Variants in CRTC3 observed in about 807,000 individuals in gnomAD.
CRTC3 encodes the protein CREB-regulated transcription coactivator 3.
In CRTC3, 26 loss-of-function variants were observed where a neutral mutation model predicts 74.5. The ratio of observed to expected loss-of-function variants is 0.35; its 90% CI spans 0.26 to 0.48. The LOEUF (loss-of-function observed/expected upper bound fraction) is 0.48, where lower values mean the gene tolerates loss of function less well. CRTC3 is among the 20% of genes least tolerant of loss of function. CRTC3 has a pLI of 0.99. For missense variants in CRTC3, 760 were observed against 787.3 expected (o/e 0.97, Z 0.41); for synonymous variants, 377 against 325.8 (o/e 1.16, Z -1.69).
intron 1 of CRTC3, among the ~76,000 whole-genome samples, chr15:90,533,541 G>A (rs1326658393): frequency 6.6e-6 from 1 of 152,124 alleles, no homozygotes; most frequent in Non-Finnish European, 1.5e-5. Flanking sequence ...GTTGTTAATG[G>A]GGTGTGTGTT....
At chr15:90,580,198 G>C (rs1001154025) in intron 2 of CRTC3, among the ~76,000 whole-genome samples, 3 of 152,056 alleles carry the variant, frequency 2.0e-5, no homozygotes, top group Non-Finnish European at 4.4e-5. Context: ...TATTCTTCTG[G>C]AGACTGAGGA....
At chr15:90,537,890 C>G (rs916109071) in intron 1 of CRTC3, among the ~76,000 whole-genome samples, 2 of 152,176 alleles carry the variant, frequency 1.3e-5, no homozygotes, top group Non-Finnish European at 2.9e-5. Context: ...TAGCCGTGTT[C>G]TTTTTTAACA....
chr15:90,642,432 C>G lies in CRTC3; in HGVS notation c.*292C>G, dbSNP rs1969483371. The G allele has an allele frequency of 1.9e-5, 9 of 482,124 alleles. No homozygotes were observed. Among genetic ancestry groups the G allele is most frequent in the Non-Finnish European group, 3.4e-5 (9 of 263,318 alleles). 29.9% of individuals were successfully genotyped at this position (482,124 alleles called of 1,614,324 possible). ...TCCACTGCATCTTTTTACTGGCCATCCAGTCAGCCGATGTGTAAGAGTAGG... is the reference window on the plus strand; with the variant it reads ...TCCACTGCATCTTTTTACTGGCCATGCAGTCAGCCGATGTGTAAGAGTAGG... On this transcript the variant is annotated 3_prime_UTR_variant, in exon 15 of 15. Coordinates refer to ENST00000268184, the MANE Select transcript of CRTC3 (RefSeq NM_022769.5).
intron 1 of CRTC3, among the ~76,000 whole-genome samples, chr15:90,533,914 C>A (rs62019405): frequency 0.05 from 7,582 of 151,830 alleles, 254 homozygotes; most frequent in Non-Finnish European, 0.073. Flanking sequence ...GTACAGAGAA[C>A]AGAGATTCAG....
intron 9 of CRTC3, among the ~76,000 whole-genome samples, chr15:90,621,184 A>G (rs1968640281): frequency 6.6e-6 from 1 of 151,956 alleles, no homozygotes; most frequent in African/African-American, 2.4e-5. Context: ...AAAAACAAAA[A>G]CAAACATTTT....
intron 5 of CRTC3, chr15:90,606,907 A>T (rs577770801): frequency 6.6e-6 from 1 of 152,598 alleles, no homozygotes; most frequent in East Asian, 1.9e-4. Flanking sequence ...AACAGAGGAC[A>T]CTTTACTATC....
At chr15:90,534,887 C>A (rs1023215074) in intron 1 of CRTC3, among the ~76,000 whole-genome samples, 2 of 152,120 alleles carry the variant, frequency 1.3e-5, no homozygotes, top group African/African-American at 2.4e-5. Context: ...AGGCCAGGCG[C>A]GGTGGCTCAC....
intron 2 of CRTC3, among the ~76,000 whole-genome samples, chr15:90,540,686 T>C (rs1966788340): frequency 1.3e-5 from 2 of 152,000 alleles, no homozygotes; most frequent in South Asian, 4.1e-4. Flanking sequence ...GGCATGAGAA[T>C]CGCTTGAACC....
At chr15:90,559,646 G>T (rs1966969949) in intron 2 of CRTC3, among the ~76,000 whole-genome samples, 1 of 151,978 alleles carries the variant, frequency 6.6e-6, no homozygotes, top group African/African-American at 2.4e-5. Flanking sequence ...GTTTTTCGAG[G>T]CAAGGTCTCA....
At chr15:90,576,973 T>G (rs912427908) in intron 2 of CRTC3, among the ~76,000 whole-genome samples, 5 of 152,156 alleles carry the variant, frequency 3.3e-5, no homozygotes, top group African/African-American at 1.2e-4. Context: ...AGTTAGCGAC[T>G]TTTGTGTCTC....
intron 8 of CRTC3, 138 bp from the exon 9 acceptor site, chr15:90,619,603 C>T (rs773156723): frequency 2.0e-5 from 14 of 702,418 alleles, no homozygotes; most frequent in Middle Eastern, 3.2e-4. Context: ...ACCTAAAAGG[C>T]TGCTGTGTGA....
Position 90,629,495 on chromosome 15 carries a change from C to G in CRTC3, c.1229C>G (p.Ser410Cys). The change falls in exon 11 of 15, where the codon TCT becomes TGT. Residue 410 changes from serine to cysteine, a missense_variant. This residue lies in a region of CRTC3 where 652 missense variants were observed against 635.2 expected (regional missense o/e 1.03). Transcript: ENST00000268184. The stretch of plus-strand genomic sequence containing the variant: ...CATCAAGGTTTCAGCAGACAGCTGT[C>G]TTCAACCAGCCCACTGGCCCCATAT... ...EAHQGFSRQL[S>C]STSPLAPYPT... The G allele has an allele frequency of 6.2e-7, 1 of 1,614,164 alleles. No individual in the cohort carries two copies. Among genetic ancestry groups the G allele is most frequent in the Non-Finnish European group, 8.5e-7 (1 of 1,180,046 alleles).
rs1238355758 is a variant in CRTC3, at chr15:90,542,965, G to C, written c.231+2828G>C. On this transcript the variant is annotated intron_variant, in intron 2 of 14. Transcript: ENST00000268184. Reference sequence around the variant, plus strand: ...GGTATCACATTAGGGACATGATTTTGATGTGTCCTGTTAATGATGATGTTC... The same window carrying C: ...GGTATCACATTAGGGACATGATTTTCATGTGTCCTGTTAATGATGATGTTC... Among the ~76,000 whole-genome samples, 3 of 152,082 alleles carry C rather than the reference G, an allele frequency of 2.0e-5. No individual in the cohort carries two copies. In the East Asian group the frequency reaches 5.8e-4, roughly 29 times the overall value.
At chr15:90,610,791 G>A (rs1241793315) in intron 6 of CRTC3, among the ~76,000 whole-genome samples, 2 of 152,138 alleles carry the variant, frequency 1.3e-5, no homozygotes, top group African/African-American at 4.8e-5. Context: ...CACCCCTCCT[G>A]ACATCGGGCA....
At position 90,566,835 on chromosome 15, in the gene CRTC3, C is replaced by T. The variant is rs533072799; in HGVS notation, c.231+26698C>T. 7.3e-5 allele frequency among the ~76,000 whole-genome samples: 11 copies of T among 151,720 alleles called. No individual in the cohort carries two copies. In the South Asian group the frequency reaches 2.3e-3, roughly 32 times the overall value. On this transcript the variant is annotated intron_variant, in intron 2 of 14. Coordinates refer to ENST00000268184, the MANE Select transcript of CRTC3 (RefSeq NM_022769.5). The stretch of plus-strand genomic sequence containing the variant: ...AAGCAATTCTCTTGCTTCAGCCTCC[C>T]GAGTAGCTGGGATTATAGGTGCCCG...
At chr15:90,559,043 C>T (rs1024882367) in intron 2 of CRTC3, among the ~76,000 whole-genome samples, 7 of 152,018 alleles carry the variant, frequency 4.6e-5, no homozygotes, top group South Asian at 4.1e-4. Flanking sequence ...TGAGCCACCG[C>T]GCCTGTCCTA....
chr15:90,561,780 A>G lies in CRTC3; in HGVS notation c.231+21643A>G, dbSNP rs79399612. Among the ~76,000 whole-genome samples the G allele has an allele frequency of 7.8e-3, 1,186 of 152,268 alleles. 47 individuals are homozygous for G. In the East Asian group the frequency reaches 0.11, roughly 15 times the overall value. On this transcript the variant is annotated intron_variant, in intron 2 of 14. Transcript: ENST00000268184. ...TAGAACCAGCCAAAGTTTTGTTCCAATTCCCTACAAAATTTCACAATAGTC... is the reference window on the plus strand; with the variant it reads ...TAGAACCAGCCAAAGTTTTGTTCCAGTTCCCTACAAAATTTCACAATAGTC...
chr15:90,628,393 G>A lies in CRTC3; in HGVS notation c.968-841G>A, dbSNP rs139747439. ...AGAAAGATGGGCTGAAGGTTAAAAC[G>A]TAGGTATTGCCAGTTGAGATACACA... On this transcript the variant is annotated intron_variant, in intron 10 of 14. Transcript: ENST00000268184. Among the ~76,000 whole-genome samples the A allele has an allele frequency of 5.9e-5, 9 of 152,226 alleles. No individual in the cohort carries two copies. In the East Asian group the frequency reaches 1.5e-3, roughly 26 times the overall value.
intron 2 of CRTC3, among the ~76,000 whole-genome samples, chr15:90,591,413 C>T (rs1967798356): frequency 6.6e-6 from 1 of 152,162 alleles, no homozygotes; most frequent in South Asian, 2.1e-4. Flanking sequence ...AGCCACTGCA[C>T]CCAGCTAGAA....
Sources: gnomAD v4.1 joint callset for allele counts (sites outside exome capture counted in the v4.1 genomes callset) on GRCh38, gnomAD v4.1.1 for gene constraint, gnomAD v4.1.1 regional missense constraint, MANE v1.5 for transcripts, NCBI Gene and HGNC (gene_info 2026-07-23, HGNC 2026-07-21) for gene names.